Variants in FAAH observed in about 807,000 individuals in gnomAD.
FAAH encodes the protein fatty acid amide hydrolase.
A neutral mutation model predicts 69.7 loss-of-function variants in FAAH; 63 were observed. The ratio of observed to expected loss-of-function variants is 0.90; its 90% CI spans 0.74 to 1.12. The LOEUF is 1.12. Among genes scored for constraint, FAAH ranks in the 50% most tolerant of loss-of-function variants. The probability of loss-of-function intolerance (pLI) is 0.00; values close to 1 mark genes in which losing one functional copy is unlikely to be tolerated. For missense variants in FAAH, 680 were observed against 755.0 expected, an observed-to-expected ratio of 0.90 and a Z score of 1.16; for synonymous variants, 305 against 324.2, an observed-to-expected ratio of 0.94 and a Z score of 0.64.
chr1:46,411,590 T>C lies in FAAH; in HGVS notation c.1317-22T>C, dbSNP rs199839223. 5.3e-5 allele frequency: 85 copies of C among 1,611,296 alleles called. No individual in the cohort carries two copies. The highest frequency in any genetic ancestry group is 6.9e-5 in the Non-Finnish European group (81 of 1,179,306). On this transcript the variant is annotated intron_variant, in intron 11 of 14. Coordinates refer to ENST00000243167, the MANE Select transcript of FAAH (RefSeq NM_001441.3). The surrounding 1 kb of genome is among the most constrained non-coding windows in gnomAD (Gnocchi z 4.8). ...CCGTGGCTGTGACCATCATGGCTGG[T>C]GACCACACTCCTTCTGCCCAGTTCG... is the stretch of plus-strand genomic sequence containing the variant.
rs538025997 is a variant in FAAH, at chr1:46,401,749, T to C, written c.196-342T>C. The stretch of plus-strand genomic sequence containing the variant: ...CTGCTGGTGTATATTTGTAGTGGTT[T>C]AATCATCAGTCTGGAGCTAGGCACA... On this transcript the variant is annotated intron_variant, in intron 1 of 14. Transcript: ENST00000243167. Among the ~76,000 whole-genome samples the C allele has an allele frequency of 6.1e-4, 93 of 152,300 alleles. 1 individual carries two copies. The highest frequency in any genetic ancestry group is 7.4e-5 in the Non-Finnish European group (5 of 68,016).
At chr1:46,397,795 T>C (rs1156955106) in intron 1 of FAAH, among the ~76,000 whole-genome samples, 1 of 151,922 alleles carries the variant, frequency 6.6e-6, no homozygotes, top group Non-Finnish European at 1.5e-5. Context: ...CCTCCCGACC[T>C]CAGGTGATCC....
chr1:46,403,675 C>T (rs1022290191), intron 2 of FAAH, among the ~76,000 whole-genome samples: 2 of 152,252 alleles, frequency 1.3e-5, no homozygotes, highest in Admixed American at 6.5e-5. Flanking sequence ...GTCCGTGCCA[C>T]GGGCTCCCCT....
rs892190900 is a variant in FAAH, at chr1:46,412,231, A to G, written c.1445A>G (p.Asn482Ser). The G allele has an allele frequency of 4.5e-6, 7 of 1,554,174 alleles. No homozygotes were observed. Among genetic ancestry groups the G allele is most frequent in the Non-Finnish European group, 6.1e-6 (7 of 1,148,472 alleles). Residue 482 changes from asparagine (N) to serine (S), a missense_variant, in exon 13 of 15, where the codon AAT becomes AGT. Asn to Ser is a conservative substitution (Grantham distance 46, BLOSUM62 1). Coordinates refer to ENST00000243167, the MANE Select transcript of FAAH (RefSeq NM_001441.3). ...TPMLAPALDL[N>S]APGRATGAVS... Reference sequence around the variant, plus strand: ...ATGCTGGCCCCTGCTCTGGACTTGAATGCCCCAGGCAGGGCCACAGGTGAG... The same window carrying G: ...ATGCTGGCCCCTGCTCTGGACTTGAGTGCCCCAGGCAGGGCCACAGGTGAG...
rs1664789429 is a variant in FAAH at position 46,406,085 on chromosome 1, T to A, written c.826+7T>A. The A allele has an allele frequency of 6.2e-7, 1 of 1,613,898 alleles. No homozygotes were observed. The highest frequency in any genetic ancestry group is 1.3e-5 in the African/African-American group (1 of 74,846). On this transcript the variant is annotated splice_region_variant and intron_variant, in intron 6 of 14. Transcript: ENST00000243167. The stretch of plus-strand genomic sequence containing the variant: ...GTCTATGGACAGGAGGCAGGTGAGG[T>A]CCGTGGTGCTCTCAGTGCCCCGAGG...
rs751032102 is a variant in FAAH at position 46,410,402 on chromosome 1, G to C, written c.1180G>C (p.Gly394Arg). 6.2e-7 allele frequency: 1 copy of C among 1,614,036 alleles called. No individual in the cohort carries two copies. The highest frequency in any genetic ancestry group is 8.5e-7 in the Non-Finnish European group (1 of 1,179,908). ...ACCGAGCATTTTGTTTCCCAGCAAAGGTGATTTCGTGGACCCCTGCCTGGG... is the reference window on the plus strand; with the variant it reads ...ACCGAGCATTTTGTTTCCCAGCAAACGTGATTTCGTGGACCCCTGCCTGGG... Reference protein sequence around the residue: ...GGHTFLQNFKGDFVDPCLGDL... With the variant: ...GGHTFLQNFKRDFVDPCLGDL... Residue 394 changes from glycine (G) to arginine (R), a missense_variant, in exon 10 of 15, where the codon GGT becomes CGT. Gly to Arg is a moderately radical substitution (Grantham distance 125, BLOSUM62 -2). Coordinates refer to ENST00000243167, the MANE Select transcript of FAAH (RefSeq NM_001441.3). The surrounding 1 kb of genome is among the most constrained non-coding windows in gnomAD (Gnocchi z 4.9).
At chr1:46,412,357 G>C in intron 13 of FAAH, 106 bp downstream of exon 13, 2 of 957,896 alleles carry the variant, frequency 2.1e-6, no homozygotes, top group East Asian at 2.6e-5. Flanking sequence ...TGCCCTCTCG[G>C]GGCCCACAGT....
chr1:46,410,733 C>A lies in FAAH; in HGVS notation c.1276-81C>A. 1 of 1,567,994 alleles carries A rather than the reference C, an allele frequency of 6.4e-7. No individual in the cohort carries two copies. Among genetic ancestry groups the A allele is most frequent in the African/African-American group, 1.3e-5 (1 of 74,126 alleles). ...TGGGGGGAGGCATGGAGGGAGGGGT[C>A]CCCAGTGGCTTGGCCTGAAGAAGGT... On this transcript the variant is annotated intron_variant, in intron 10 of 14. Coordinates refer to ENST00000243167, the MANE Select transcript of FAAH (RefSeq NM_001441.3). This position sits in a 1 kb window ranked among gnomAD's most constrained non-coding sequence, Gnocchi z 4.9.
In FAAH at chr1:46,413,775, G is replaced by C. The variant is rs200902774; in HGVS notation, c.*200G>C. The C allele has an allele frequency of 3.3e-5, 23 of 700,430 alleles. No individual in the cohort carries two copies. Among genetic ancestry groups the C allele is most frequent in the Middle Eastern group, 4.1e-4 (1 of 2,436 alleles). 43.4% of individuals were successfully genotyped at this position (700,430 alleles called of 1,614,324 possible). A position where few individuals can be genotyped will look rare whatever the true frequency, so the allele number is the denominator to read the frequency against. ...TGCTCTGGTCCCCTCTCTTCGTCCT[G>C]ATCCCTCCACCCCCATGTGGCAGCC... On this transcript the variant is annotated 3_prime_UTR_variant, in exon 15 of 15. Coordinates refer to ENST00000243167, the MANE Select transcript of FAAH (RefSeq NM_001441.3).
chr1:46,405,481 C>T lies in FAAH; in HGVS notation c.554C>T (p.Thr185Ile). The T allele has an allele frequency of 6.2e-7, 1 of 1,600,598 alleles. No homozygotes were observed. The highest frequency in any genetic ancestry group is 8.5e-7 in the Non-Finnish European group (1 of 1,172,278). The part of the protein sequence containing the change: ...KLQGAVPFVH[T>I]NVPQSMFSYD... The stretch of plus-strand genomic sequence containing the variant: ...CAGGGTGCCGTGCCCTTCGTGCACA[C>T]CAATGTTCCACAGTCCATGTTCAGG... Residue 185 changes from threonine (T) to isoleucine (I), a missense_variant, in exon 4 of 15, where the codon ACC becomes ATC. Thr to Ile is a moderately conservative substitution (Grantham distance 89, BLOSUM62 -1). Transcript: ENST00000243167. This position sits in a 1 kb window ranked among gnomAD's most constrained non-coding sequence, Gnocchi z 4.1.
chr1:46,401,154 G>A (rs1228058461), intron 1 of FAAH, among the ~76,000 whole-genome samples: 139 of 122,588 alleles, frequency 1.1e-3, no homozygotes, highest in Non-Finnish European at 1.8e-3. Context: ...GGGGAGTAGG[G>A]GGATTAGGGG....
At chr1:46,397,715 C>A (rs976067885) in intron 1 of FAAH, among the ~76,000 whole-genome samples, 16 of 151,790 alleles carry the variant, frequency 1.1e-4, no homozygotes, top group African/African-American at 3.9e-4. Flanking sequence ...GCGCCTGCCA[C>A]CATGCCTGGC....
rs762376890 is a variant in FAAH at position 46,406,289 on chromosome 1, C to T, written c.872C>T (p.Ala291Val). 1.2e-5 allele frequency: 19 copies of T among 1,613,844 alleles called. No individual in the cohort carries two copies. The highest frequency in any genetic ancestry group is 1.7e-5 in the Admixed American group (1 of 60,016). The change falls in exon 7 of 15, where the codon GCA (alanine) becomes GTA (valine). Residue 291 changes from alanine (A) to valine (V), a missense_variant. Transcript: ENST00000243167. ...GPMARDVESL[A>V]LCLRALLCED... is the part of the protein sequence containing the mutation. ...ATGGCCCGGGACGTGGAGAGCCTGG[C>T]ACTGTGCCTGCGAGCCCTGCTGTGT...
chr1:46,411,707 C>T lies in FAAH; in HGVS notation c.1356+56C>T. 1.3e-6 allele frequency: 2 copies of T among 1,598,082 alleles called. No homozygotes were observed. Among genetic ancestry groups the T allele is most frequent in the South Asian group, 1.1e-5 (1 of 90,118 alleles). ...GTGGTGGGGGGAGGGTGGAGTTGGA[C>T]AGGGTACCCGCTAGCAGTGTCTCGT... On this transcript the variant is annotated intron_variant, in intron 12 of 14. Transcript: ENST00000243167. This position sits in a 1 kb window ranked among gnomAD's most constrained non-coding sequence, Gnocchi z 4.8.
At position 46,394,356 on chromosome 1, in the gene FAAH, A is replaced by C; in HGVS notation, c.8A>C (p.Gln3Pro). The change falls in exon 1 of 15, where the codon CAG becomes CCG. Residue 3 changes from glutamine to proline, a missense_variant. Transcript: ENST00000243167. MV[Q>P]YELWAALPGA... Reference sequence around the variant, plus strand: ...CAGCAGGCTGAAGGGATCATGGTGCAGTACGAGCTGTGGGCCGCGCTGCCT... The same window carrying C: ...CAGCAGGCTGAAGGGATCATGGTGCCGTACGAGCTGTGGGCCGCGCTGCCT... 1.9e-6 allele frequency: 3 copies of C among 1,557,362 alleles called. No individual in the cohort carries two copies. The South Asian group carries it at 3.5e-5, about 18-fold the overall frequency.
Position 46,408,562 on chromosome 1 carries a change from G to A in FAAH, c.1055G>A (p.Ser352Asn). The change falls in exon 8 of 15, where the codon AGC becomes AAC. Residue 352 changes from serine (S) to asparagine (N), a missense_variant. Physicochemically the swap from Ser to Asn is conservative, Grantham distance 46. Coordinates refer to ENST00000243167, the MANE Select transcript of FAAH (RefSeq NM_001441.3). Reference sequence around the variant, plus strand: ...CGGGCCGTGCTGGAGACCAAACAGAGCCTTGAGGCTGCGGGGCACACGGTA... The same window carrying A: ...CGGGCCGTGCTGGAGACCAAACAGAACCTTGAGGCTGCGGGGCACACGGTA... ...MRRAVLETKQSLEAAGHTLVP... is the reference protein window; with the variant it reads ...MRRAVLETKQNLEAAGHTLVP... 6.2e-7 allele frequency: 1 copy of A among 1,614,202 alleles called. No individual in the cohort carries two copies. Among genetic ancestry groups the A allele is most frequent in the Non-Finnish European group, 8.5e-7 (1 of 1,180,042 alleles).
At position 46,410,637 on chromosome 1, in the gene FAAH, A is replaced by C. The variant is rs896622814; in HGVS notation, c.1275+140A>C. 4.7e-6 allele frequency: 5 copies of C among 1,074,364 alleles called. No individual in the cohort carries two copies. The highest frequency in any genetic ancestry group is 1.5e-5 in the African/African-American group (1 of 64,550). The allele number at this position is 1,074,364 out of a possible 1,614,324, so 66.6% of individuals were successfully genotyped here. On this transcript the variant is annotated intron_variant, in intron 10 of 14. Transcript: ENST00000243167. This position sits in a 1 kb window ranked among gnomAD's most constrained non-coding sequence, Gnocchi z 4.9. ...CCTCTTCTCTCCAGTCCCCACCCAG[A>C]CTGCTCTCCTCCTCTGTCCCCTGCG...
chr1:46,395,815 A>T (rs1472900998), intron 1 of FAAH, among the ~76,000 whole-genome samples: 1 of 152,148 alleles, frequency 6.6e-6, no homozygotes, highest in East Asian at 1.9e-4. Flanking sequence ...CAGGAGAGAG[A>T]TATGAGGAAG....
chr1:46,406,493 G>A (rs1569817493), intron 7 of FAAH, 125 bp downstream of exon 7: 1 of 1,376,074 alleles, frequency 7.3e-7, no homozygotes, highest in East Asian at 2.5e-5. Flanking sequence ...AGGCCAGGGC[G>A]GGTTGCTCCT....
Sources: allele counts gnomAD v4.1 joint callset (sites outside exome capture counted in the v4.1 genomes callset), GRCh38; gene constraint gnomAD v4.1.1; non-coding constraint Gnocchi (gnomAD v3.1); transcripts MANE v1.5; gene names NCBI Gene and HGNC (gene_info 2026-07-23, HGNC 2026-07-21).